The following TMPRSS7 variants were observed in gnomAD, a reference collection of about 807,000 sequenced individuals.
TMPRSS7 encodes transmembrane protease serine 7.
TMPRSS7 carries 81 observed loss-of-function variants against 95.6 expected under a neutral mutation model. The ratio of observed to expected loss-of-function variants is 0.85; its 90% confidence interval spans 0.71 to 1.02. The LOEUF is 1.02. Among genes scored for constraint, TMPRSS7 ranks in the 50% least tolerant of loss-of-function variants. TMPRSS7 has a pLI of 0.00. For synonymous variants in TMPRSS7, 364 were observed against 337.8 expected, an observed-to-expected ratio of 1.08 and a Z score of -0.85; for missense variants, 945 against 955.2, an observed-to-expected ratio of 0.99 and a Z score of 0.14.
Position 112,038,296 on chromosome 3 carries a change from CT to C in TMPRSS7, c.274del (p.Trp92GlyfsTer52), listed in dbSNP as rs1282283150. On this transcript the variant is annotated frameshift_variant, in exon 2 of 18. Transcript: ENST00000452346. LOFTEE classifies it high-confidence loss of function. ...TTTTATTCATCCTAGCAGTCATAGC[CT>C]GGACACTTCTGTGGCTGTATATCAG... 2 of 702,684 alleles carry C rather than the reference CT, an allele frequency of 2.8e-6. No individual in the cohort carries two copies. The highest frequency in any genetic ancestry group is 3.5e-5 in the African/African-American group (2 of 57,218). 43.5% of individuals were successfully genotyped at this position (702,684 alleles called of 1,614,324 possible). A position where few individuals can be genotyped will look rare whatever the true frequency, so the allele number is the denominator to read the frequency against.
chr3:112,067,979 C>A (rs1490980611), intron 13 of TMPRSS7, among the ~76,000 whole-genome samples: 1 of 152,182 alleles, frequency 6.6e-6, no homozygotes, highest in Non-Finnish European at 1.5e-5. Flanking sequence ...ACATTTAAAT[C>A]TTTAATCCAT....
intron 10 of TMPRSS7, among the ~76,000 whole-genome samples, chr3:112,059,499 A>G (rs2073474255): frequency 6.6e-6 from 1 of 152,188 alleles, no homozygotes; most frequent in Non-Finnish European, 1.5e-5. Context: ...CATCTTTGCA[A>G]GGAAACTCTA....
At chr3:112,047,530 A>G in intron 6 of TMPRSS7, 3 of 660,992 alleles carry the variant, frequency 4.5e-6, no homozygotes, top group Non-Finnish European at 8.3e-6. Context: ...GGTGAGTTTA[A>G]CCCCAACCAA....
Position 112,065,125 on chromosome 3 carries a change from C to T in TMPRSS7, c.1556-1267C>T, listed in dbSNP as rs138794074. ...GTGTGATCATAGCTCACTGCAGCGT[C>T]GAACTCCTGGGCTCAAGGGATCCTC... On this transcript the variant is annotated intron_variant, in intron 12 of 17. Transcript: ENST00000452346. Among the ~76,000 whole-genome samples, 677 of 152,256 alleles carry T rather than the reference C, an allele frequency of 4.4e-3. 23 individuals carry two copies. The East Asian group carries it at 0.065, about 15-fold the overall frequency.
At chr3:112,063,735 T>C in intron 12 of TMPRSS7, 103 bp downstream of exon 12, 1 of 974,706 alleles carries the variant, frequency 1.0e-6, no homozygotes, top group Non-Finnish European at 1.6e-6. Flanking sequence ...TTATTATCTA[T>C]TACTGCATAA....
chr3:112,050,184 G>A (rs1325432552), intron 8 of TMPRSS7, among the ~76,000 whole-genome samples: 1 of 152,156 alleles, frequency 6.6e-6, no homozygotes, highest in African/African-American at 2.4e-5. Flanking sequence ...TGTCAATAAG[G>A]TTACTCAAAA....
chr3:112,045,150 AT>A (rs1553762666), intron 4 of TMPRSS7, among the ~76,000 whole-genome samples: 3 of 151,952 alleles, frequency 2.0e-5, no homozygotes, highest in African/African-American at 7.3e-5. Flanking sequence ...AATGGTTTTA[AT>A]TTTTTTTCTT....
Position 112,034,913 on chromosome 3 carries a change from C to A in TMPRSS7, c.48+20C>A. On this transcript the variant is annotated intron_variant, in intron 1 of 17. Coordinates refer to ENST00000452346, the Ensembl canonical transcript of TMPRSS7. ...CTGAAAGTAAGTACAGGGTGAGAAA[C>A]TTTCTCTTACTTGAATGCCATTTAT... The A allele has an allele frequency of 1.4e-6, 1 of 702,792 alleles. No individual in the cohort carries two copies. Among genetic ancestry groups the A allele is most frequent in the Non-Finnish European group, 2.6e-6 (1 of 384,874 alleles). 43.5% of individuals were successfully genotyped at this position (702,792 alleles called of 1,614,324 possible).
At chr3:112,050,463 A>G (rs1394654663) in intron 8 of TMPRSS7, among the ~76,000 whole-genome samples, 1 of 147,768 alleles carries the variant, frequency 6.8e-6, no homozygotes, top group African/African-American at 2.5e-5. Flanking sequence ...GAAAACAAAT[A>G]TAGAATTAGA....
chr3:112,078,004 T>C (rs952724063), intron 16 of TMPRSS7, among the ~76,000 whole-genome samples: 6 of 152,212 alleles, frequency 3.9e-5, no homozygotes, highest in African/African-American at 1.4e-4. Flanking sequence ...TAGCCTCGTT[T>C]TGACACTCTA....
intron 9 of TMPRSS7, among the ~76,000 whole-genome samples, chr3:112,053,847 TAACA>T (rs2073396356): frequency 6.6e-6 from 1 of 152,224 alleles, no homozygotes; most frequent in Admixed American, 6.5e-5. Flanking sequence ...CTACGTTTCT[TAACA>T]ATCACTTAGC....
At chr3:112,037,924 T>C (rs1425208949) in intron 1 of TMPRSS7, 148 bp from the exon 2 acceptor site, 13 of 599,034 alleles carry the variant, frequency 2.2e-5, no homozygotes, top group Middle Eastern at 8.7e-4. Flanking sequence ...ATTATACTTA[T>C]GTAAATAATT....
At position 112,077,032 on chromosome 3, in the gene TMPRSS7, G is replaced by A; in HGVS notation, c.2112G>A (p.Trp704Ter). Reference sequence around the variant, plus strand: ...CTTTGCTACAGCTCAGTATTGCCTGGCCTGAGACCCTGAAACAGCTCATTC... The same window carrying A: ...CTTTGCTACAGCTCAGTATTGCCTGACCTGAGACCCTGAAACAGCTCATTC... The change falls in exon 16 of 18, where the codon TGG (tryptophan) becomes TGA (stop). Residue 704 changes from tryptophan to a stop codon, truncating the protein, a stop_gained. Transcript: ENST00000452346. LOFTEE classifies it high-confidence loss of function. 6.2e-7 allele frequency: 1 copy of A among 1,614,152 alleles called. No homozygotes were observed. The highest frequency in any genetic ancestry group is 8.5e-7 in the Non-Finnish European group (1 of 1,180,034).
At chr3:112,041,628 G>A (rs1347159885) in intron 2 of TMPRSS7, among the ~76,000 whole-genome samples, 2 of 152,154 alleles carry the variant, frequency 1.3e-5, no homozygotes, top group Admixed American at 6.5e-5. Flanking sequence ...TGATAAAGCA[G>A]GGTATATATG....
At chr3:112,057,255 A>T (rs1412772629) in intron 10 of TMPRSS7, 124 bp downstream of exon 10, 4 of 680,836 alleles carry the variant, frequency 5.9e-6, no homozygotes, top group Non-Finnish European at 1.0e-5. Context: ...GGGATATAGG[A>T]GTTATGTAAC....
At chr3:112,048,888 A>G (rs1046628397) in intron 7 of TMPRSS7, among the ~76,000 whole-genome samples, 1 of 152,214 alleles carries the variant, frequency 6.6e-6, no homozygotes, top group Non-Finnish European at 1.5e-5. Flanking sequence ...CTACTGAGGC[A>G]GGAGAATAGG....
intron 3 of TMPRSS7, chr3:112,043,092 T>C (rs752833743): frequency 5.9e-5 from 27 of 455,940 alleles, no homozygotes; most frequent in South Asian, 4.0e-4. Flanking sequence ...TTGCCTCTAA[T>C]ATTTATACAG....
chr3:112,077,180 G>A, intron 16 of TMPRSS7, 36 bp downstream of exon 16: 1 of 1,602,172 alleles, frequency 6.2e-7, no homozygotes, highest in Non-Finnish European at 8.5e-7. Flanking sequence ...CCCTTCCCCT[G>A]CAGAGGATGA....
At chr3:112,036,250 A>T (rs75477194) in intron 1 of TMPRSS7, among the ~76,000 whole-genome samples, 2,282 of 152,302 alleles carry the variant, frequency 0.015, 29 homozygotes, top group Non-Finnish European at 0.024. Context: ...AATATAATAC[A>T]AACATGTGAA....
Sources: allele counts gnomAD v4.1 joint callset (sites outside exome capture counted in the v4.1 genomes callset), GRCh38; gene constraint gnomAD v4.1.1; transcripts MANE v1.5; gene names NCBI Gene and HGNC (gene_info 2026-07-23, HGNC 2026-07-21).